Variants in NPFFR2 observed in about 807,000 individuals in gnomAD.
NPFFR2 encodes neuropeptide FF receptor 2.
In NPFFR2, 15 loss-of-function variants were observed where a neutral mutation model predicts 13.1. The observed-to-expected ratio is 1.15, with a 90% CI of 0.77 to 1.76. The LOEUF is 1.76. NPFFR2 is among the 40% of genes most tolerant of loss of function. The pLI is 0.00. For synonymous variants in NPFFR2, 190 were observed against 175.7 expected (o/e 1.08, Z -0.65); for missense variants, 572 against 503.5 (o/e 1.14, Z -1.30).
chr4:72,112,248 G>A (rs1424174951), intron 1 of NPFFR2, among the ~76,000 whole-genome samples: 3 of 139,454 alleles, frequency 2.2e-5, no homozygotes, highest in Non-Finnish European at 3.3e-5. Flanking sequence ...TTAAGAAGTG[G>A]GAGGGAGGAT....
chr4:72,141,245 G>T (rs1220174282), intron 3 of NPFFR2, among the ~76,000 whole-genome samples: 1 of 150,218 alleles, frequency 6.7e-6, no homozygotes, highest in Non-Finnish European at 1.5e-5. Context: ...AGGGTTTTTT[G>T]TGTCTCTATC....
At chr4:72,080,367 G>A (rs1303687812) in intron 1 of NPFFR2, among the ~76,000 whole-genome samples, 2 of 152,030 alleles carry the variant, frequency 1.3e-5, no homozygotes, top group African/African-American at 2.4e-5. Context: ...GTTTCACCAT[G>A]TTGGCCATGC....
intron 1 of NPFFR2, among the ~76,000 whole-genome samples, chr4:72,112,090 T>C (rs1721581468): frequency 6.6e-6 from 1 of 152,060 alleles, no homozygotes; most frequent in African/African-American, 2.4e-5. Context: ...TCTCAGTCTC[T>C]CAGCCAACCT....
In NPFFR2 at chr4:72,128,886, A is replaced by G. The variant is rs202241077; in HGVS notation, c.295A>G (p.Met99Val). ...ISDLLVGIFC[M>V]PITLLDNIIA... is the part of the protein sequence containing the mutation. ...TGATTTACTAGTTGGCATATTCTGC[A>G]TGCCTATAACACTGCTGGACAATAT... Residue 99 changes from methionine (M) to valine (V), a missense_variant, in exon 2 of 4, where the codon ATG (methionine) becomes GTG (valine). Met to Val is a conservative substitution (Grantham distance 21, BLOSUM62 1). Coordinates refer to ENST00000308744, the MANE Select transcript of NPFFR2 (RefSeq NM_004885.3). 114 of 1,613,800 alleles carry G rather than the reference A, an allele frequency of 7.1e-5. 1 individual carries two copies. The East Asian group carries it at 2.4e-3, about 34-fold the overall frequency.
chr4:72,093,702 G>A (rs1187372749), intron 1 of NPFFR2, among the ~76,000 whole-genome samples: 1 of 150,456 alleles, frequency 6.6e-6, no homozygotes, highest in Non-Finnish European at 1.5e-5. Flanking sequence ...TTTTATTCAT[G>A]CTATTTTACT....
chr4:72,137,752 T>C (rs1237408022), intron 2 of NPFFR2, among the ~76,000 whole-genome samples: 1 of 152,146 alleles, frequency 6.6e-6, no homozygotes, highest in Non-Finnish European at 1.5e-5. Context: ...GTGAGGAAAA[T>C]AACAAAGCCT....
chr4:72,076,745 T>C (rs1220855464), intron 1 of NPFFR2, among the ~76,000 whole-genome samples: 1 of 152,120 alleles, frequency 6.6e-6, no homozygotes, highest in African/African-American at 2.4e-5. Flanking sequence ...TACAACCTAA[T>C]GTAGCCAAGT....
At chr4:72,092,372 T>G (rs978847965) in intron 1 of NPFFR2, among the ~76,000 whole-genome samples, 4 of 152,142 alleles carry the variant, frequency 2.6e-5, no homozygotes, top group Admixed American at 1.3e-4. Flanking sequence ...TGGGTACCAT[T>G]TAAGTCCATT....
At chr4:72,101,316 A>G (rs1329508261) in intron 1 of NPFFR2, among the ~76,000 whole-genome samples, 1 of 151,948 alleles carries the variant, frequency 6.6e-6, no homozygotes, top group Non-Finnish European at 1.5e-5. Flanking sequence ...ATCAAAATAA[A>G]CATATCGATA....
At chr4:72,094,034 T>A (rs1219599793) in intron 1 of NPFFR2, among the ~76,000 whole-genome samples, 1 of 150,060 alleles carries the variant, frequency 6.7e-6, no homozygotes, top group Non-Finnish European at 1.5e-5. Flanking sequence ...CTTCCTTGAT[T>A]TGGTGCTCTC....
intron 1 of NPFFR2, among the ~76,000 whole-genome samples, chr4:72,063,371 A>G (rs73824719): frequency 0.03 from 4,506 of 152,322 alleles, 214 homozygotes; most frequent in African/African-American, 0.1. Context: ...CTTGCTGCCT[A>G]CGTCGAAGCA....
At chr4:72,098,137 A>G (rs950563004) in intron 1 of NPFFR2, among the ~76,000 whole-genome samples, 1 of 152,180 alleles carries the variant, frequency 6.6e-6, no homozygotes, top group Non-Finnish European at 1.5e-5. Flanking sequence ...TGCATTGAAT[A>G]GATGGATATT....
chr4:72,056,888 A>G (rs4398493), intron 1 of NPFFR2, among the ~76,000 whole-genome samples: 136,669 of 151,926 alleles, frequency 0.9, 62,521 homozygotes, highest in Non-Finnish European at 0.99. Context: ...AATCAAACTT[A>G]AACAGATGAG....
In NPFFR2 at chr4:72,103,838, G is replaced by A. The variant is rs373293674; in HGVS notation, c.-7-24747G>A. On this transcript the variant is annotated intron_variant, in intron 1 of 3. Transcript: ENST00000308744. The stretch of plus-strand genomic sequence containing the variant: ...AAAAATCATTTAAGAAATACATCTC[G>A]TTTTATATAAGAAATTAAAGTGAGT... Among the ~76,000 whole-genome samples the A allele has an allele frequency of 1.4e-4, 21 of 152,026 alleles. 1 individual carries two copies. The highest frequency in any genetic ancestry group is 4.3e-4 in the African/African-American group (18 of 41,474).
At chr4:72,044,507 G>C (rs1452098223) in intron 1 of NPFFR2, among the ~76,000 whole-genome samples, 1 of 152,022 alleles carries the variant, frequency 6.6e-6, no homozygotes, top group African/African-American at 2.4e-5. Flanking sequence ...TATGTCATCT[G>C]TGATTTCTTT....
At position 72,147,414 on chromosome 4, in the gene NPFFR2, C is replaced by T. The variant is rs140574905; in HGVS notation, c.865C>T (p.Pro289Ser). The T allele has an allele frequency of 6.2e-6, 10 of 1,613,972 alleles. No homozygotes were observed. The highest frequency in any genetic ancestry group is 8.5e-6 in the Non-Finnish European group (10 of 1,180,030). The change falls in exon 4 of 4, where the codon CCC (proline) becomes TCC (serine). Residue 289 changes from proline to serine, a missense_variant. Pro to Ser is a moderately conservative substitution (Grantham distance 74). Transcript: ENST00000308744. ...VALLFILSWLPLWTLMMLSDY... is the reference protein window; with the variant it reads ...VALLFILSWLSLWTLMMLSDY... ...CCTGCTTTTTATTCTCTCATGGCTG[C>T]CCCTGTGGACTCTAATGATGCTCTC...
At chr4:72,116,692 A>AT (rs1721721840) in intron 1 of NPFFR2, among the ~76,000 whole-genome samples, 1 of 152,236 alleles carries the variant, frequency 6.6e-6, no homozygotes, top group African/African-American at 2.4e-5. Flanking sequence ...GTGTAAAAGT[A>AT]TAACAGTCAT....
chr4:72,138,368 C>G (rs549856355), intron 3 of NPFFR2, among the ~76,000 whole-genome samples: 1 of 152,080 alleles, frequency 6.6e-6, no homozygotes, highest in Non-Finnish European at 1.5e-5. Context: ...CCCATCAACT[C>G]GTCATTTACA....
intron 1 of NPFFR2, among the ~76,000 whole-genome samples, chr4:72,087,002 T>C (rs1720791005): frequency 6.6e-6 from 1 of 151,984 alleles, no homozygotes; most frequent in Admixed American, 6.6e-5. Context: ...GACAGAGAAA[T>C]TGGGAGAGAA....
Sources: allele counts gnomAD v4.1 joint callset (sites outside exome capture counted in the v4.1 genomes callset), GRCh38; gene constraint gnomAD v4.1.1; transcripts MANE v1.5; gene names NCBI Gene and HGNC (gene_info 2026-07-23, HGNC 2026-07-21).